The following TRPA1 variants were observed in gnomAD, a reference collection of about 807,000 sequenced individuals.
TRPA1 encodes the protein ankyrin-like with transmembrane domains 1.
A neutral mutation model predicts 131.3 loss-of-function variants in TRPA1; 129 were observed. That is an observed-to-expected ratio of 0.98 (90% CI 0.85 to 1.14). TRPA1 has a LOEUF of 1.14. Among genes scored for constraint, TRPA1 ranks in the 50% most tolerant of loss-of-function variants. The probability of loss-of-function intolerance (pLI) is 0.00; values close to 1 mark genes in which losing one functional copy is unlikely to be tolerated. For synonymous variants in TRPA1, 441 were observed against 451.7 expected (o/e 0.98, Z 0.30); for missense variants, 1,304 against 1,354.2 (o/e 0.96, Z 0.58).
At chr8:72,054,012 T>G (rs902178252) in intron 12 of TRPA1, 145 bp from the exon 13 acceptor site, 1 of 661,166 alleles carries the variant, frequency 1.5e-6, no homozygotes, top group East Asian at 2.7e-5. Context: ...AAAACATTTA[T>G]AATAAATGAG....
intron 2 of TRPA1, among the ~76,000 whole-genome samples, chr8:72,069,965 C>G (rs1464506031): frequency 6.6e-6 from 1 of 152,136 alleles, no homozygotes; most frequent in Non-Finnish European, 1.5e-5. Context: ...AACCACAGGA[C>G]TAGAATTTGA....
intron 16 of TRPA1, 30 bp from the exon 17 acceptor site, chr8:72,046,638 A>T (rs1563391735): frequency 5.8e-6 from 7 of 1,216,272 alleles, no homozygotes; most frequent in African/African-American, 1.5e-5. Context: ...TTTTAAAAAA[A>T]TGTACAGTTA....
chr8:72,057,910 A>T, intron 8 of TRPA1, 94 bp from the exon 9 acceptor site: 2 of 937,304 alleles, frequency 2.1e-6, no homozygotes, highest in Non-Finnish European at 3.4e-6. Context: ...ATTGATACAG[A>T]GTGTCTATAT....
intron 2 of TRPA1, 24 bp from the exon 3 acceptor site, chr8:72,069,222 G>A (rs548502365): frequency 6.2e-7 from 1 of 1,613,488 alleles, no homozygotes; most frequent in Non-Finnish European, 8.5e-7. Flanking sequence ...CCAGAATATG[G>A]ATTAAATTTT....
chr8:72,087,778 C>T, the TRPA1 span, among the ~76,000 whole-genome samples: 1 of 151,984 alleles, frequency 6.6e-6, no homozygotes, highest in Non-Finnish European at 1.5e-5. Context: ...ACCTCATTTT[C>T]TCATTATAAT....
At chr8:72,066,015 AT>A (rs995984870) in intron 3 of TRPA1, among the ~76,000 whole-genome samples, 1 of 151,690 alleles carries the variant, frequency 6.6e-6, no homozygotes, top group African/African-American at 2.4e-5. Flanking sequence ...GCAGGAAGGG[AT>A]TTTTTTTCTC....
At chr8:72,024,297 A>G (rs1025356191) in intron 25 of TRPA1, among the ~76,000 whole-genome samples, 2 of 152,204 alleles carry the variant, frequency 1.3e-5, no homozygotes, top group Admixed American at 1.3e-4. Flanking sequence ...AACTCAACCA[A>G]TCAACAAAGT....
chr8:72,036,858 G>A (rs1163281106), intron 20 of TRPA1, among the ~76,000 whole-genome samples: 2 of 152,138 alleles, frequency 1.3e-5, no homozygotes, highest in African/African-American at 4.8e-5. Context: ...TTCTAAAAAG[G>A]TTTGGGACAT....
intron 23 of TRPA1, among the ~76,000 whole-genome samples, chr8:72,031,209 G>C (rs1177449666): frequency 6.6e-6 from 1 of 152,180 alleles, no homozygotes; most frequent in Non-Finnish European, 1.5e-5. Context: ...CACTGGACAG[G>C]ATAATATTGT....
At chr8:72,069,815 G>A (rs959480385) in intron 2 of TRPA1, among the ~76,000 whole-genome samples, 8 of 151,244 alleles carry the variant, frequency 5.3e-5, no homozygotes, top group South Asian at 4.2e-4. Context: ...AGAAGAGAAC[G>A]AGAGAGAGAG....
At position 72,069,083 on chromosome 8, in the gene TRPA1, G is replaced by T. The variant is rs28546865; in HGVS notation, c.384C>A (p.Asn128Lys). 2.5e-6 allele frequency: 4 copies of T among 1,614,038 alleles called. No individual in the cohort carries two copies. The highest frequency in any genetic ancestry group is 2.2e-5 in the South Asian group (2 of 91,072). ...LSRGANPNLR[N>K]FNMMAPLHIA... The stretch of plus-strand genomic sequence containing the variant: ...TGTGGAGAGGAGCCATCATGTTGAA[G>T]TTTCGGAGATTTGGGTTTGCTCCTC... Residue 128 changes from asparagine to lysine, a missense_variant, in exon 3 of 27, where the codon AAC becomes AAA. Physicochemically the swap from Asn to Lys is moderately conservative, Grantham distance 94. Transcript: ENST00000262209.
At chr8:72,060,574 T>C (rs145088186) in intron 7 of TRPA1, 1 of 152,296 alleles carries the variant, frequency 6.6e-6, no homozygotes, top group African/African-American at 2.4e-5. Flanking sequence ...GTTATCTTCA[T>C]ATATTTAGTT....
chr8:72,052,610 G>A lies in TRPA1; in HGVS notation c.1800C>T (p.Ile600=). ...NKRKEVVLTI[I]RSKRWDECLK... is the part of the protein sequence containing the mutation. ...GGAAGACAGTGTACCTTTTGCTCCT[G>A]ATGATCGTAAGAACAACCTCCTTCC... Residue 600 remains isoleucine, a synonymous_variant, in exon 14 of 27, where the codon ATC becomes ATT. Transcript: ENST00000262209. The A allele has an allele frequency of 6.2e-7, 1 of 1,613,528 alleles. No homozygotes were observed. Among genetic ancestry groups the A allele is most frequent in the East Asian group, 2.2e-5 (1 of 44,868 alleles).
intron 25 of TRPA1, among the ~76,000 whole-genome samples, chr8:72,024,442 A>C (rs1480432557): frequency 6.6e-6 from 1 of 152,160 alleles, no homozygotes; most frequent in Non-Finnish European, 1.5e-5. Context: ...CTAGGAGTTC[A>C]GGCAAGAGAA....
At chr8:72,032,893 T>C (rs572256291) in intron 23 of TRPA1, among the ~76,000 whole-genome samples, 71 of 152,300 alleles carry the variant, frequency 4.7e-4, no homozygotes, top group African/African-American at 1.6e-3. Context: ...GTGTGGAATA[T>C]GTGCATGCGT....
intron 2 of TRPA1, 141 bp downstream of exon 2, chr8:72,071,570 G>A: frequency 1.1e-6 from 1 of 943,160 alleles, no homozygotes; most frequent in East Asian, 2.5e-5. Context: ...TGGTGTGTAG[G>A]AAAACCCACA....
At position 72,038,979 on chromosome 8, in the gene TRPA1, A is replaced by G. The variant is rs751690545; in HGVS notation, c.2181T>C (p.Cys727=). 6.2e-7 allele frequency: 1 copy of G among 1,612,988 alleles called. No homozygotes were observed. Among genetic ancestry groups the G allele is most frequent in the African/African-American group, 1.3e-5 (1 of 74,866 alleles). The change falls in exon 19 of 27, where the codon TGT becomes TGC. Residue 727 remains cysteine, a synonymous_variant. Coordinates refer to ENST00000262209, the MANE Select transcript of TRPA1 (RefSeq NM_007332.3). Reference sequence around the variant, plus strand: ...GAATGGTCATAGGTATGAGACCAAGACAGTAAGATCCTAAATTCATCATAT... The same window carrying G: ...GAATGGTCATAGGTATGAGACCAAGGCAGTAAGATCCTAAATTCATCATAT... ...RAHMMNLGSY[C]LGLIPMTILV...
chr8:72,084,866 G>T, the TRPA1 span, among the ~76,000 whole-genome samples: 1 of 151,794 alleles, frequency 6.6e-6, no homozygotes, highest in African/African-American at 2.4e-5. Context: ...CGGCCAGGCT[G>T]GTCTCGAACT....
intron 14 of TRPA1, among the ~76,000 whole-genome samples, chr8:72,052,349 G>A (rs1210872872): frequency 6.6e-6 from 1 of 152,140 alleles, no homozygotes; most frequent in Non-Finnish European, 1.5e-5. Flanking sequence ...TGAAGCCCGG[G>A]AGGCGGAGGT....
Sources: gnomAD v4.1 joint callset for allele counts (sites outside exome capture counted in the v4.1 genomes callset) on GRCh38, gnomAD v4.1.1 for gene constraint, MANE v1.5 for transcripts, NCBI Gene and HGNC (gene_info 2026-07-23, HGNC 2026-07-21) for gene names.